The following NIPBL variants were observed in gnomAD, a reference collection of about 807,000 sequenced individuals.
NIPBL encodes the protein NIPBL cohesin loading factor.
NIPBL carries 19 observed loss-of-function variants against 321.8 expected under a neutral mutation model. The observed-to-expected ratio is 0.06, with a 90% CI of 0.04 to 0.09. NIPBL has a LOEUF of 0.09. Ranked by LOEUF, NIPBL falls within the 10% of genes least tolerant of loss-of-function variation. NIPBL has a pLI of 1.00. For missense variants in NIPBL, 2,210 were observed against 3,327.0 expected (o/e 0.66, Z 8.26); for synonymous variants, 1,106 against 1,114.1 (o/e 0.99, Z 0.14).
intron 46 of NIPBL, chr5:37,064,269 A>T: frequency 7.3e-7 from 1 of 1,362,398 alleles, no homozygotes; most frequent in Non-Finnish European, 9.5e-7. Flanking sequence ...TTATGTAGCT[A>T]TATGGTTCAT....
Position 37,048,567 on chromosome 5 carries a change from A to G in NIPBL, c.6655A>G (p.Ile2219Val). Residue 2219 changes from isoleucine to valine, a missense_variant, in exon 39 of 47, where the codon ATT becomes GTT. Ile to Val is a conservative substitution (Grantham distance 29, BLOSUM62 3). This residue lies in a region of NIPBL where 40 missense variants were observed against 55.3 expected (regional missense o/e 0.72). Transcript: ENST00000282516. The stretch of plus-strand genomic sequence containing the variant: ...AGAAGTGAAGAATCTATATAATAAT[A>G]TTTTATCTGATAAGAACTCCTCAGT... ...EQEVKNLYNN[I>V]LSDKNSSVNL... 1 of 1,590,730 alleles carries G rather than the reference A, an allele frequency of 6.3e-7. No individual in the cohort carries two copies. Among genetic ancestry groups the G allele is most frequent in the Non-Finnish European group, 8.6e-7 (1 of 1,166,478 alleles).
In NIPBL at chr5:36,984,863, A is replaced by G; in HGVS notation, c.1683A>G (p.Ser561=). ...CTCAGGCTTCTATAACTCAGGATTC[A>G]GACTCCATAAAAAAGCCTGAAGAAA... ...VDSQASITQD[S]DSIKKPEEIK... is the part of the protein sequence containing the mutation. Residue 561 remains serine, a synonymous_variant, in exon 10 of 47, where the codon TCA becomes TCG. Transcript: ENST00000282516. 2.5e-6 allele frequency: 4 copies of G among 1,613,892 alleles called. No homozygotes were observed. In the Middle Eastern group the frequency reaches 5.0e-4, roughly 200 times the overall value.
chr5:37,065,008 A>T lies in NIPBL; in HGVS notation c.*116A>T. ...TTATGAAGAGTAAGTGGAACCTGGGATGCAGGAACAAAAGAAGGAAATGTT... is the reference window on the plus strand; with the variant it reads ...TTATGAAGAGTAAGTGGAACCTGGGTTGCAGGAACAAAAGAAGGAAATGTT... On this transcript the variant is annotated 3_prime_UTR_variant, in exon 47 of 47. Coordinates refer to ENST00000282516, the MANE Select transcript of NIPBL (RefSeq NM_133433.4). 1 of 1,226,816 alleles carries T rather than the reference A, an allele frequency of 8.2e-7. No individual in the cohort carries two copies. The highest frequency in any genetic ancestry group is 2.4e-5 in the East Asian group (1 of 42,352). 76.0% of individuals were successfully genotyped at this position (1,226,816 alleles called of 1,614,324 possible).
At chr5:36,879,448 G>T (rs1036895126) in intron 1 of NIPBL, among the ~76,000 whole-genome samples, 5 of 152,134 alleles carry the variant, frequency 3.3e-5, no homozygotes, top group Non-Finnish European at 5.9e-5. Flanking sequence ...AATATGTTTT[G>T]TTTGGTCCAA....
At position 36,962,290 on chromosome 5, in the gene NIPBL, G is replaced by A. The variant is rs761534618; in HGVS notation, c.610+16G>A. The A allele has an allele frequency of 6.2e-7, 1 of 1,613,812 alleles. No individual in the cohort carries two copies. Among genetic ancestry groups the A allele is most frequent in the East Asian group, 2.2e-5 (1 of 44,868 alleles). On this transcript the variant is annotated intron_variant, in intron 6 of 46. Transcript: ENST00000282516. ...ATGCAACAAGGTAAGAAAGTTGTTT[G>A]TAACTTCACTGGGAATGTCTAAGTG...
chr5:37,020,915 T>C (rs778560641), intron 27 of NIPBL, 38 bp downstream of exon 27: 11 of 1,357,248 alleles, frequency 8.1e-6, no homozygotes, highest in Admixed American at 6.7e-5. Flanking sequence ...GTGATATTGA[T>C]TTTTCTGATT....
At chr5:37,015,477 G>C (rs966637269) in intron 22 of NIPBL, among the ~76,000 whole-genome samples, 2 of 151,700 alleles carry the variant, frequency 1.3e-5, no homozygotes, top group South Asian at 4.2e-4. Context: ...GCTCACACCT[G>C]TAATCCCAGC....
At chr5:36,892,260 A>C (rs907509384) in intron 1 of NIPBL, among the ~76,000 whole-genome samples, 3 of 152,198 alleles carry the variant, frequency 2.0e-5, no homozygotes, top group Non-Finnish European at 4.4e-5. Context: ...ACCAGTTAGA[A>C]TGGCGATCAT....
At chr5:37,054,708 A>G (rs1434902595) in intron 42 of NIPBL, among the ~76,000 whole-genome samples, 1 of 152,210 alleles carries the variant, frequency 6.6e-6, no homozygotes, top group African/African-American at 2.4e-5. Flanking sequence ...AATGTCAGAG[A>G]AGGAACAAAT....
chr5:36,957,964 C>T (rs1580329608), intron 3 of NIPBL, 140 bp from the exon 4 acceptor site: 3 of 726,112 alleles, frequency 4.1e-6, no homozygotes, highest in Admixed American at 2.5e-5. Context: ...GCCTGGGGGA[C>T]AAGAGTGAGA....
chr5:37,016,104 T>G lies in NIPBL; in HGVS notation c.4710T>G (p.Leu1570=). The part of the protein sequence containing the change: ...PLFENFVQDL[L]STVNKPEWPA... The stretch of plus-strand genomic sequence containing the variant: ...TTGAAAATTTTGTTCAAGACCTTCT[T>G]TCAACAGTCAATAAGCCTGAATGGC... Residue 1570 remains leucine (L), a synonymous_variant, in exon 23 of 47, where the codon CTT becomes CTG. Transcript: ENST00000282516. 6.2e-7 allele frequency: 1 copy of G among 1,613,944 alleles called. No individual in the cohort carries two copies. Among genetic ancestry groups the G allele is most frequent in the Non-Finnish European group, 8.5e-7 (1 of 1,179,910 alleles).
intron 9 of NIPBL, among the ~76,000 whole-genome samples, chr5:36,981,284 A>AG (rs1744106803): frequency 6.6e-6 from 1 of 151,696 alleles, no homozygotes; most frequent in Admixed American, 6.6e-5. Context: ...GTACCTTATA[A>AG]GTAAGATTAG....
intron 44 of NIPBL, among the ~76,000 whole-genome samples, chr5:37,059,367 TGTG>T (rs1335019524): frequency 6.6e-6 from 1 of 152,038 alleles, no homozygotes; most frequent in African/African-American, 2.4e-5. Context: ...ATTAGCCTAG[TGTG>T]GTGGTGCACG....
chr5:37,040,826 G>C (rs1579540532), intron 34 of NIPBL, among the ~76,000 whole-genome samples: 1 of 152,150 alleles, frequency 6.6e-6, no homozygotes, highest in East Asian at 1.9e-4. Flanking sequence ...AGCTGTATGT[G>C]ACAATCATTG....
chr5:37,038,467 A>C, intron 33 of NIPBL, 135 bp from the exon 34 acceptor site: 1 of 663,578 alleles, frequency 1.5e-6, no homozygotes, highest in South Asian at 2.0e-5. Context: ...GTATCATAAG[A>C]ACTACTAATT....
intron 6 of NIPBL, among the ~76,000 whole-genome samples, chr5:36,965,004 C>T (rs1256742004): frequency 6.6e-6 from 1 of 151,928 alleles, no homozygotes; most frequent in African/African-American, 2.4e-5. Flanking sequence ...TTAAAATGGC[C>T]TTTTTCAAAA....
intron 1 of NIPBL, among the ~76,000 whole-genome samples, chr5:36,951,195 A>G (rs1357594487): frequency 1.3e-5 from 2 of 152,112 alleles, no homozygotes; most frequent in Admixed American, 1.3e-4. Flanking sequence ...AGGTTTATTA[A>G]TCTTCTAGTT....
At chr5:36,976,958 T>C (rs1221530141) in intron 9 of NIPBL, among the ~76,000 whole-genome samples, 1 of 152,060 alleles carries the variant, frequency 6.6e-6, no homozygotes, top group East Asian at 1.9e-4. Flanking sequence ...AGTCTTTTGG[T>C]GGTAATTACA....
intron 2 of NIPBL, 42 bp downstream of exon 2, chr5:36,953,802 T>A: frequency 6.7e-7 from 1 of 1,488,524 alleles, no homozygotes; most frequent in Non-Finnish European, 9.4e-7. Flanking sequence ...CTACTGTGTG[T>A]TAACAATAAT....
Sources: gnomAD v4.1 joint callset for allele counts (sites outside exome capture counted in the v4.1 genomes callset) on GRCh38, gnomAD v4.1.1 for gene constraint, gnomAD v4.1.1 regional missense constraint, MANE v1.5 for transcripts, NCBI Gene and HGNC (gene_info 2026-07-23, HGNC 2026-07-21) for gene names.